CACNA1B: variants seen among roughly 807,000 people sequenced by gnomAD.
CACNA1B encodes the protein voltage-dependent N-type calcium channel subunit alpha-1B.
A neutral mutation model predicts 247.2 loss-of-function variants in CACNA1B; 70 were observed. That is an observed-to-expected ratio of 0.28 (90% CI 0.23 to 0.35). The LOEUF (loss-of-function observed/expected upper bound fraction) is 0.35. Among genes scored for constraint, CACNA1B ranks in the 10% least tolerant of loss-of-function variants. The pLI is 1.00. For missense variants in CACNA1B, 2,367 were observed against 3,197.4 expected, an observed-to-expected ratio of 0.74 and a Z score of 6.26; for synonymous variants, 1,231 against 1,294.4, an observed-to-expected ratio of 0.95 and a Z score of 1.05.
intron 3 of CACNA1B, among the ~76,000 whole-genome samples, chr9:137,894,570 G>A (rs112709967): frequency 5.8e-4 from 88 of 151,926 alleles, no homozygotes; most frequent in African/African-American, 2.0e-3. Flanking sequence ...CACCACGCCC[G>A]GCTCATTTTT....
chr9:138,071,826 G>A (rs1057300409), intron 32 of CACNA1B, among the ~76,000 whole-genome samples: 5 of 152,092 alleles, frequency 3.3e-5, no homozygotes, highest in African/African-American at 1.2e-4. Context: ...TTGAGCCAGT[G>A]GGTGCTGTGT....
intron 6 of CACNA1B, among the ~76,000 whole-genome samples, chr9:137,934,532 G>A (rs575054682): frequency 3.3e-5 from 5 of 152,278 alleles, no homozygotes; most frequent in Admixed American, 6.5e-5. Flanking sequence ...CAGGAAAGCC[G>A]AGAGAACCCA....
In CACNA1B at chr9:138,105,803, C is replaced by T. The variant is rs747199649; in HGVS notation, c.5424C>T (p.Ala1808=). Residue 1808 remains alanine (A), a synonymous_variant, in exon 39 of 47, where the codon GCC becomes GCT. Coordinates refer to ENST00000371372, the MANE Select transcript of CACNA1B (RefSeq NM_000718.4). ...LIRTALEIKL[A]PAGTKQHQCD... ...GGACGGCACTGGAGATCAAGCTGGC[C>T]CCAGGTGAGCAAGGCAGCCTCGGAA... 43 of 1,537,176 alleles carry T rather than the reference C, an allele frequency of 2.8e-5. No homozygotes were observed. In the African/African-American group the frequency reaches 4.5e-4, roughly 16 times the overall value.
At chr9:137,935,118 T>C (rs1957650534) in intron 6 of CACNA1B, among the ~76,000 whole-genome samples, 1 of 152,202 alleles carries the variant, frequency 6.6e-6, no homozygotes, top group African/African-American at 2.4e-5. Flanking sequence ...TTTTTTTCAT[T>C]ATACTTTAAG....
intron 40 of CACNA1B, among the ~76,000 whole-genome samples, chr9:138,113,949 C>T (rs111236526): frequency 1.1e-4 from 14 of 130,682 alleles, no homozygotes; most frequent in East Asian, 2.3e-4. Context: ...CGTGAGGGAG[C>T]GCCGGGAGGT....
At chr9:138,068,692 GT>G in intron 31 of CACNA1B, 1 of 509,590 alleles carries the variant, frequency 2.0e-6, no homozygotes, top group Non-Finnish European at 3.9e-6. Flanking sequence ...GGGAGGGGTG[GT>G]TTCTGCGTGT....
At chr9:137,922,331 A>C (rs1957496413) in intron 6 of CACNA1B, among the ~76,000 whole-genome samples, 1 of 151,270 alleles carries the variant, frequency 6.6e-6, no homozygotes, top group Non-Finnish European at 1.5e-5. Flanking sequence ...CATGATCAGC[A>C]CCGCGATCAC....
intron 20 of CACNA1B, among the ~76,000 whole-genome samples, chr9:138,033,817 C>T: frequency 6.6e-6 from 1 of 152,102 alleles, no homozygotes; most frequent in East Asian, 1.9e-4. Flanking sequence ...GGGAAACCAC[C>T]CCCATGATCC....
Position 137,954,517 on chromosome 9 carries a change from T to A in CACNA1B, c.1071-1181T>A, listed in dbSNP as rs1465148969. Among the ~76,000 whole-genome samples the A allele has an allele frequency of 6.6e-6, 1 of 152,168 alleles. No homozygotes were observed. Among genetic ancestry groups the A allele is most frequent in the African/African-American group, 2.4e-5 (1 of 41,440 alleles). On this transcript the variant is annotated intron_variant, in intron 7 of 46. Transcript: ENST00000371372. This position sits in a 1 kb window ranked among gnomAD's most constrained non-coding sequence, Gnocchi z 4.1. ...GGGCCAGACTGCTGGGGGGAGTTGC[T>A]GCTGGGAGCTCTCAGATCAGTTCAA...
At chr9:138,104,041 A>G (rs1367391205) in intron 38 of CACNA1B, among the ~76,000 whole-genome samples, 1 of 152,220 alleles carries the variant, frequency 6.6e-6, no homozygotes, top group Non-Finnish European at 1.5e-5. Flanking sequence ...CAGGGCCATG[A>G]TGGAGCAGCC....
chr9:137,937,421 C>G (rs1231369597), intron 6 of CACNA1B, among the ~76,000 whole-genome samples: 7 of 152,032 alleles, frequency 4.6e-5, no homozygotes, highest in Non-Finnish European at 1.0e-4. Context: ...AACAAAGCCT[C>G]CAAGAAGTCT....
rs1470919664 is a variant in CACNA1B, at chr9:138,007,359, G to A, written c.2092+475G>A. 1.3e-5 allele frequency among the ~76,000 whole-genome samples: 2 copies of A among 152,176 alleles called. No individual in the cohort carries two copies. Among genetic ancestry groups the A allele is most frequent in the Non-Finnish European group, 2.9e-5 (2 of 68,042 alleles). ...CTGTTTCAGGACCTTGAGTCAGAGG[G>A]TGAGTCTGTGGGGTCAGAGCGAGCC... On this transcript the variant is annotated intron_variant, in intron 16 of 46. Transcript: ENST00000371372. The surrounding 1 kb of genome is among the most constrained non-coding windows in gnomAD (Gnocchi z 4.1).
In CACNA1B at chr9:137,986,497, G is replaced by A. The variant is rs746099481; in HGVS notation, c.1854G>A (p.Leu618=). 1 of 1,613,914 alleles carries A rather than the reference G, an allele frequency of 6.2e-7. No homozygotes were observed. The highest frequency in any genetic ancestry group is 8.5e-7 in the Non-Finnish European group (1 of 1,179,852). Residue 618 remains leucine, a synonymous_variant, in exon 14 of 47, where the codon CTG becomes CTA. Coordinates refer to ENST00000371372, the MANE Select transcript of CACNA1B (RefSeq NM_000718.4). The surrounding 1 kb of genome is among the most constrained non-coding windows in gnomAD (Gnocchi z 6.0). The part of the protein sequence containing the change: ...SIISLLFLLF[L]FIVVFALLGM... ...TCAGCCTGCTCTTCTTGCTCTTCCT[G>A]TTCATTGTGGTCTTCGCCCTGCTGG...
In CACNA1B at chr9:137,973,911, C is replaced by T. The variant is rs1589042704; in HGVS notation, c.1544-1996C>T. Among the ~76,000 whole-genome samples the T allele has an allele frequency of 6.6e-6, 1 of 152,294 alleles. No homozygotes were observed. The highest frequency in any genetic ancestry group is 3.4e-3 in the Middle Eastern group (1 of 294). ...TTGTACTTGTTCCTTGCAAAGTGCT[C>T]TCACTTTGGTCTCCTGGGGAGCAAG... On this transcript the variant is annotated intron_variant, in intron 11 of 46. Coordinates refer to ENST00000371372, the MANE Select transcript of CACNA1B (RefSeq NM_000718.4). The surrounding 1 kb of genome is among the most constrained non-coding windows in gnomAD (Gnocchi z 4.1).
chr9:137,997,700 G>A (rs1326198933), intron 15 of CACNA1B, among the ~76,000 whole-genome samples: 1 of 152,194 alleles, frequency 6.6e-6, no homozygotes, highest in East Asian at 1.9e-4. Flanking sequence ...GGAGAAATTA[G>A]TGTTTCTTTA....
intron 20 of CACNA1B, among the ~76,000 whole-genome samples, chr9:138,027,198 T>C (rs2133444550): frequency 6.6e-6 from 1 of 152,328 alleles, no homozygotes. Context: ...TTTGCAAGCA[T>C]TTTCTCCCAT....
At chr9:138,044,347 C>T (rs760121423) in intron 21 of CACNA1B, among the ~76,000 whole-genome samples, 6 of 152,224 alleles carry the variant, frequency 3.9e-5, no homozygotes, top group Non-Finnish European at 5.9e-5. Context: ...TTCCATTAGT[C>T]CAGCCAGTGT....
chr9:137,879,313 C>T (rs1011394158), intron 2 of CACNA1B, among the ~76,000 whole-genome samples, 154 bp downstream of exon 2: 1 of 152,238 alleles, frequency 6.6e-6, no homozygotes, highest in Non-Finnish European at 1.5e-5. Context: ...CAGATAACAC[C>T]TTCCTCGAGG....
chr9:137,948,891 G>A (rs1234372283), intron 6 of CACNA1B, among the ~76,000 whole-genome samples: 1 of 146,118 alleles, frequency 6.8e-6, no homozygotes, highest in African/African-American at 2.5e-5. Context: ...GTGTGTGTCT[G>A]ATGTGTGTGG....
Sources: gnomAD v4.1 joint callset for allele counts (sites outside exome capture counted in the v4.1 genomes callset) on GRCh38, gnomAD v4.1.1 for gene constraint, Gnocchi (gnomAD v3.1) non-coding constraint, MANE v1.5 for transcripts, NCBI Gene and HGNC (gene_info 2026-07-23, HGNC 2026-07-21) for gene names.